APLP2: variants seen among roughly 807,000 people sequenced by gnomAD.
APLP2 encodes the protein amyloid beta precursor like protein 2.
Under a neutral mutation model 89.9 loss-of-function variants are expected in APLP2, and 53 were observed. That is an observed-to-expected ratio of 0.59 (90% CI 0.47 to 0.74). The LOEUF (loss-of-function observed/expected upper bound fraction) is 0.74, where lower values mean the gene tolerates loss of function less well. Among genes scored for constraint, APLP2 ranks in the 30% least tolerant of loss-of-function variants. The pLI is 0.00. For missense variants in APLP2, 973 were observed against 975.9 expected (o/e 1.00, Z 0.04); for synonymous variants, 372 against 348.6 (o/e 1.07, Z -0.75).
intron 1 of APLP2, among the ~76,000 whole-genome samples, chr11:130,079,272 T>TTA (rs1942728868): frequency 6.6e-6 from 1 of 152,028 alleles, no homozygotes; most frequent in Non-Finnish European, 1.5e-5. Flanking sequence ...CTAATTTTTG[T>TTA]ATTTATAGTA....
intron 1 of APLP2, among the ~76,000 whole-genome samples, chr11:130,104,698 T>C (rs1375940171): frequency 6.6e-6 from 1 of 152,206 alleles, no homozygotes; most frequent in Non-Finnish European, 1.5e-5. Context: ...GGAACTCATA[T>C]TAGTCTGTAG....
chr11:130,084,857 A>G (rs1327673027), intron 1 of APLP2, among the ~76,000 whole-genome samples: 4 of 152,192 alleles, frequency 2.6e-5, no homozygotes, highest in African/African-American at 9.6e-5. Flanking sequence ...AAAACAATAG[A>G]AAAAAATCAA....
chr11:130,114,556 T>C (rs1948963533), intron 3 of APLP2, among the ~76,000 whole-genome samples: 1 of 152,222 alleles, frequency 6.6e-6, no homozygotes, highest in Non-Finnish European at 1.5e-5. Context: ...TTATGCTGGT[T>C]CCTGTGTCCT....
chr11:130,114,080 CA>C (rs1026360573), intron 3 of APLP2, among the ~76,000 whole-genome samples: 2 of 152,188 alleles, frequency 1.3e-5, no homozygotes, highest in African/African-American at 4.8e-5. Context: ...GTATAATCAT[CA>C]AAAATCAAGA....
At chr11:130,118,034 G>A (rs570635244) in intron 3 of APLP2, among the ~76,000 whole-genome samples, 5 of 148,038 alleles carry the variant, frequency 3.4e-5, no homozygotes, top group East Asian at 2.0e-4. Context: ...CTGAGATTGC[G>A]CCACTGCACT....
chr11:130,141,441 T>A lies in APLP2; in HGVS notation c.1924-57T>A. On this transcript the variant is annotated intron_variant, in intron 14 of 16. Transcript: ENST00000338167. The surrounding 1 kb of genome is among the most constrained non-coding windows in gnomAD (Gnocchi z 4.2). Reference sequence around the variant, plus strand: ...GGTAGCAGAGGAAGGAGGCAGTAAATACCAAACTCCCCGTTCACCCAGTTG... The same window carrying A: ...GGTAGCAGAGGAAGGAGGCAGTAAAAACCAAACTCCCCGTTCACCCAGTTG... The A allele has an allele frequency of 6.9e-7, 1 of 1,453,260 alleles. No homozygotes were observed. The highest frequency in any genetic ancestry group is 9.7e-7 in the Non-Finnish European group (1 of 1,035,078). 90.0% of individuals were successfully genotyped at this position (1,453,260 alleles called of 1,614,324 possible).
intron 1 of APLP2, among the ~76,000 whole-genome samples, chr11:130,097,505 G>A (rs1183396648): frequency 6.6e-6 from 1 of 152,134 alleles, no homozygotes; most frequent in Non-Finnish European, 1.5e-5. Context: ...ACCAGCCTGG[G>A]CAATATAGTG....
In APLP2 at chr11:130,132,004, A is replaced by G. The variant is rs549341521; in HGVS notation, c.1585-1625A>G. 3.3e-5 allele frequency among the ~76,000 whole-genome samples: 5 copies of G among 152,238 alleles called. No individual in the cohort carries two copies. The South Asian group carries it at 1.0e-3, about 32-fold the overall frequency. On this transcript the variant is annotated intron_variant, in intron 11 of 16. Transcript: ENST00000338167. ...TATTCAGCCTGTTGTAACTTGTGCC[A>G]TGTCTGCTTGTCTGGATATGAGTGA...
chr11:130,122,622 A>G (rs1949952783), intron 6 of APLP2, 109 bp downstream of exon 6: 1 of 1,521,204 alleles, frequency 6.6e-7, no homozygotes, highest in African/African-American at 1.4e-5. Flanking sequence ...AAGGTGTGGT[A>G]CCTCTGCACT....
intron 1 of APLP2, among the ~76,000 whole-genome samples, chr11:130,092,676 A>C (rs368718057): frequency 8.8e-6 from 1 of 114,038 alleles, no homozygotes; most frequent in African/African-American, 3.7e-5. Context: ...GTCCAGCTTC[A>C]GCTCCGCATG....
intron 9 of APLP2, 149 bp from the exon 10 acceptor site, chr11:130,128,899 A>T: frequency 1.3e-6 from 1 of 781,400 alleles, no homozygotes; most frequent in Non-Finnish European, 2.0e-6. Context: ...AGGATGAAGT[A>T]GACTTTGGAT....
At chr11:130,080,245 C>T (rs149172446) in intron 1 of APLP2, among the ~76,000 whole-genome samples, 215 of 152,154 alleles carry the variant, frequency 1.4e-3, no homozygotes, top group Non-Finnish European at 2.4e-3. Flanking sequence ...GGAATCTTAC[C>T]CTGTTGACCA....
chr11:130,115,874 A>T (rs958746085), intron 3 of APLP2, among the ~76,000 whole-genome samples: 2 of 152,212 alleles, frequency 1.3e-5, no homozygotes, highest in Non-Finnish European at 2.9e-5. Flanking sequence ...CTTTTTAAAA[A>T]GGGGTTTATT....
intron 1 of APLP2, among the ~76,000 whole-genome samples, chr11:130,098,789 G>T (rs1946542839): frequency 6.6e-6 from 1 of 152,212 alleles, no homozygotes; most frequent in Non-Finnish European, 1.5e-5. Context: ...AGGTCAGCCA[G>T]AGGAAGCTTA....
intron 1 of APLP2, among the ~76,000 whole-genome samples, chr11:130,086,485 A>T (rs530136889): frequency 6.6e-6 from 1 of 152,212 alleles, no homozygotes; most frequent in Admixed American, 6.5e-5. Flanking sequence ...TTCACTCTCA[A>T]TAGTGTCCTT....
At chr11:130,122,191 C>A in intron 5 of APLP2, 114 bp from the exon 6 acceptor site, 1 of 1,253,710 alleles carries the variant, frequency 8.0e-7, no homozygotes, top group Non-Finnish European at 1.1e-6. Context: ...GTGAAATGTG[C>A]GTTGAGCTTA....
chr11:130,108,015 T>C (rs1412073920), intron 1 of APLP2, among the ~76,000 whole-genome samples: 3 of 152,200 alleles, frequency 2.0e-5, no homozygotes, highest in Admixed American at 6.5e-5. Flanking sequence ...TAGCCATATG[T>C]AGAAAGCTGA....
At chr11:130,136,290 G>C (rs1441403218) in intron 13 of APLP2, among the ~76,000 whole-genome samples, 1 of 152,176 alleles carries the variant, frequency 6.6e-6, no homozygotes, top group African/African-American at 2.4e-5. Context: ...CCCCTCATCA[G>C]TTCTGTTTGT....
chr11:130,124,070 T>C (rs1483508946), intron 7 of APLP2, among the ~76,000 whole-genome samples: 1 of 152,166 alleles, frequency 6.6e-6, no homozygotes, highest in Non-Finnish European at 1.5e-5. Flanking sequence ...TTGTTCTTTC[T>C]TGTCTGGCTT....
Sources: gnomAD v4.1 joint callset for allele counts (sites outside exome capture counted in the v4.1 genomes callset) on GRCh38, gnomAD v4.1.1 for gene constraint, Gnocchi (gnomAD v3.1) non-coding constraint, MANE v1.5 for transcripts, NCBI Gene and HGNC (gene_info 2026-07-23, HGNC 2026-07-21) for gene names.